SLC48A1: variants seen among roughly 807,000 people sequenced by gnomAD.
The protein encoded by SLC48A1 is solute carrier family 48 member 1, also known as heme transporter HRG1.
SLC48A1 carries 6 observed loss-of-function variants against 14.8 expected under a neutral mutation model. The observed-to-expected ratio is 0.41, with a 90% CI of 0.22 to 0.80. SLC48A1 has a LOEUF of 0.80. Among genes scored for constraint, SLC48A1 ranks in the 30% least tolerant of loss-of-function variants. The pLI is 0.34. For missense variants in SLC48A1, 165 were observed against 204.8 expected (o/e 0.81, Z 1.19); for synonymous variants, 89 against 90.0 (o/e 0.99, Z 0.06).
upstream of SLC48A1, chr12:47,758,069 G>T: frequency 6.4e-7 from 1 of 1,564,986 alleles, no homozygotes; most frequent in South Asian, 1.2e-5. Flanking sequence ...CTCTCACCTG[G>T]CCAGCCCACC....
intron 2 of SLC48A1, among the ~76,000 whole-genome samples, chr12:47,762,386 C>G (rs1704861279): frequency 6.6e-6 from 1 of 152,164 alleles, no homozygotes; most frequent in Non-Finnish European, 1.5e-5. Flanking sequence ...TCCTCCTGCT[C>G]TGCCTCTCTC....
chr12:47,759,175 T>C (rs932159398), intron 1 of SLC48A1: 2 of 880,794 alleles, frequency 2.3e-6, no homozygotes, highest in African/African-American at 3.6e-5. Context: ...GGCCGCCACG[T>C]GGCCGGGAGG....
chr12:47,758,731 T>G, intron 1 of SLC48A1: 2 of 1,274,456 alleles, frequency 1.6e-6, no homozygotes, highest in Non-Finnish European at 2.0e-6. Flanking sequence ...GATGCAGGGC[T>G]CGGTGGAGAG....
At chr12:47,763,390 T>C (rs1432415694) in intron 2 of SLC48A1, among the ~76,000 whole-genome samples, 3 of 152,064 alleles carry the variant, frequency 2.0e-5, no homozygotes, top group African/African-American at 4.8e-5. Flanking sequence ...AGCTGGGAGA[T>C]AAAGCTGTAG....
intron 1 of SLC48A1, 63 bp downstream of exon 1, chr12:47,773,503 G>C (rs1292637832): frequency 8.0e-7 from 1 of 1,251,376 alleles, no homozygotes; most frequent in Non-Finnish European, 1.0e-6. Flanking sequence ...GCCGTCAGCT[G>C]CTCCAGGACG....
At chr12:47,769,146 G>C (rs1276278890), upstream of SLC48A1, 2 of 152,200 alleles carry the variant, frequency 1.3e-5, no homozygotes, top group African/African-American at 2.4e-5. Context: ...TCATTCCATT[G>C]TTCAGAACCT....
At chr12:47,767,460 A>G (rs184518253), upstream of SLC48A1, among the ~76,000 whole-genome samples, 21 of 152,356 alleles carry the variant, frequency 1.4e-4, no homozygotes, top group Middle Eastern at 3.4e-3. Flanking sequence ...ATCAAGGCAG[A>G]CATAAAGTGA....
At chr12:47,754,871 G>A (rs142658257), upstream of SLC48A1, among the ~76,000 whole-genome samples, 18 of 152,298 alleles carry the variant, frequency 1.2e-4, no homozygotes, top group East Asian at 1.9e-3. Context: ...GGTTCAGGGC[G>A]GAAGAGGAGG....
intron 1 of SLC48A1, chr12:47,759,244 C>T: frequency 2.6e-6 from 1 of 386,732 alleles, no homozygotes; most frequent in Non-Finnish European, 3.5e-6. Flanking sequence ...TGCGGCCTCA[C>T]CCGGGAGGGA....
chr12:47,780,206 G>C lies in SLC48A1; in HGVS notation c.366G>C (p.Trp122Cys). The C allele has an allele frequency of 6.2e-7, 1 of 1,614,086 alleles. No individual in the cohort carries two copies. The highest frequency in any genetic ancestry group is 8.5e-7 in the Non-Finnish European group (1 of 1,179,972). The change falls in exon 3 of 3, where the codon TGG (tryptophan) becomes TGC (cysteine). Residue 122 changes from tryptophan to cysteine, a missense_variant. Trp to Cys is a radical substitution (Grantham distance 215, BLOSUM62 -2). Coordinates refer to ENST00000442218, the MANE Select transcript of SLC48A1 (RefSeq NM_017842.3). ...SSVWSFISFK[W>C]AFLLSLYAHR... is the part of the protein sequence containing the mutation. The stretch of plus-strand genomic sequence containing the variant: ...TCTGGAGCTTCATTTCCTTCAAGTG[G>C]GCCTTCCTGCTCAGCCTCTATGCCC...
chr12:47,755,819 T>G (rs1002541822), upstream of SLC48A1: 1 of 152,242 alleles, frequency 6.6e-6, no homozygotes, highest in Non-Finnish European at 1.5e-5. Context: ...TTCCTGGGAC[T>G]CGGGCTCCAC....
upstream of SLC48A1, among the ~76,000 whole-genome samples, chr12:47,767,194 T>TG (rs1042217354): frequency 3.5e-4 from 10 of 28,688 alleles, 1 homozygote; most frequent in East Asian, 4.4e-3. Context: ...AGGGCTGGGG[T>TG]GGGGGGGTGG....
rs556321528 is a variant in SLC48A1, at chr12:47,778,357, T to C, written c.137-671T>C. On this transcript the variant is annotated intron_variant, in intron 1 of 2. Coordinates refer to ENST00000442218, the MANE Select transcript of SLC48A1 (RefSeq NM_017842.3). Reference sequence around the variant, plus strand: ...GTCTGGCCAAGAACAATAAGGCCACTCAGGGGTTGGGTGGCCCTGGAGTCT... The same window carrying C: ...GTCTGGCCAAGAACAATAAGGCCACCCAGGGGTTGGGTGGCCCTGGAGTCT... 441 of 152,398 alleles carry C rather than the reference T, an allele frequency of 2.9e-3. 1 individual carries two copies. The highest frequency in any genetic ancestry group is 5.0e-3 in the South Asian group (24 of 4,832). 9.4% of individuals were successfully genotyped at this position (152,398 alleles called of 1,614,324 possible).
chr12:47,760,068 A>T, intron 1 of SLC48A1: 1 of 385,256 alleles, frequency 2.6e-6, no homozygotes, highest in Non-Finnish European at 3.6e-6. Context: ...GAGAAATTTT[A>T]ATTGTGATTA....
chr12:47,769,723 A>G (rs1215140658), upstream of SLC48A1: 1 of 152,214 alleles, frequency 6.6e-6, no homozygotes, highest in Non-Finnish European at 1.5e-5. Context: ...TCTTTGTAAC[A>G]AGCCTGTGAT....
At chr12:47,769,751 T>C (rs1383163758), upstream of SLC48A1, 1 of 151,438 alleles carries the variant, frequency 6.6e-6, no homozygotes, top group Non-Finnish European at 1.5e-5. Flanking sequence ...CATCATTCCC[T>C]GTGTACAGAT....
Position 47,780,212 on chromosome 12 carries a change from C to T in SLC48A1, c.372C>T (p.Phe124=). ...VWSFISFKWA[F]LLSLYAHRYR... ...GCTTCATTTCCTTCAAGTGGGCCTT[C>T]CTGCTCAGCCTCTATGCCCACCGCT... is the stretch of plus-strand genomic sequence containing the variant. The change falls in exon 3 of 3, where the codon TTC becomes TTT. Residue 124 remains phenylalanine (F), a synonymous_variant. Transcript: ENST00000442218. 6.2e-7 allele frequency: 1 copy of T among 1,614,152 alleles called. No homozygotes were observed. Among genetic ancestry groups the T allele is most frequent in the Non-Finnish European group, 8.5e-7 (1 of 1,180,002 alleles).
chr12:47,776,966 C>G (rs1387496983), intron 1 of SLC48A1, among the ~76,000 whole-genome samples: 3 of 152,180 alleles, frequency 2.0e-5, no homozygotes, highest in Admixed American at 6.5e-5. Flanking sequence ...CCCAACCCCT[C>G]TGTGGCACGA....
upstream of SLC48A1, chr12:47,755,821 G>A (rs1018054543): frequency 1.3e-5 from 2 of 152,160 alleles, no homozygotes; most frequent in Admixed American, 1.3e-4. Flanking sequence ...CCTGGGACTC[G>A]GGCTCCACCC....
Sources: allele counts gnomAD v4.1 joint callset (sites outside exome capture counted in the v4.1 genomes callset), GRCh38; gene constraint gnomAD v4.1.1; transcripts MANE v1.5; gene names NCBI Gene and HGNC (gene_info 2026-07-23, HGNC 2026-07-21).